NEK9: variants seen among roughly 807,000 people sequenced by gnomAD.
The protein encoded by NEK9 is serine/threonine-protein kinase Nek9.
Under a neutral mutation model 123.4 loss-of-function variants are expected in NEK9, and 75 were observed. The ratio of observed to expected loss-of-function variants is 0.61; its 90% confidence interval spans 0.50 to 0.74. The LOEUF (loss-of-function observed/expected upper bound fraction) is 0.74, where lower values mean the gene tolerates loss of function less well. Ranked by LOEUF, NEK9 falls within the 30% of genes least tolerant of loss-of-function variation. The pLI is 0.00. For synonymous variants in NEK9, 438 were observed against 458.7 expected (o/e 0.95, Z 0.58); for missense variants, 952 against 1,214.4 (o/e 0.78, Z 3.21).
rs554128986 is a variant in NEK9 at position 75,110,253 on chromosome 14, C to T, written c.989+68G>A. ...GTATCCTCGGATCAAATAATGCCTACACTCAAGAAAGAACCCCCTGGTTGT... is the reference window on the plus strand; with the variant it reads ...GTATCCTCGGATCAAATAATGCCTATACTCAAGAAAGAACCCCCTGGTTGT... On this transcript the variant is annotated intron_variant, in intron 9 of 21. Transcript: ENST00000238616. The T allele has an allele frequency of 4.1e-6, 5 of 1,205,708 alleles. No individual in the cohort carries two copies. In the East Asian group the frequency reaches 1.2e-4, roughly 28 times the overall value. 74.7% of individuals were successfully genotyped at this position (1,205,708 alleles called of 1,614,324 possible).
intron 10 of NEK9, among the ~76,000 whole-genome samples, chr14:75,108,227 C>T (rs143885813): frequency 2.6e-5 from 4 of 151,492 alleles, no homozygotes; most frequent in Non-Finnish European, 4.4e-5. Flanking sequence ...TGGGTTCAAG[C>T]GATTCTCCTG....
chr14:75,126,762 G>C lies in NEK9; in HGVS notation c.160C>G (p.Pro54Ala), dbSNP rs1394612655. The C allele has an allele frequency of 1.3e-6, 2 of 1,517,832 alleles. No individual in the cohort carries two copies. Among genetic ancestry groups the C allele is most frequent in the Admixed American group, 4.2e-5 (2 of 47,140 alleles). The allele number at this position is 1,517,832 out of a possible 1,614,324, so 94.0% of individuals were successfully genotyped here. A position where few individuals can be genotyped will look rare whatever the true frequency, so the allele number is the denominator to read the frequency against. The change falls in exon 1 of 22, where the codon CCC (proline) becomes GCC (alanine). Residue 54 changes from proline to alanine, a missense_variant. By Grantham distance (27) the Pro-to-Ala change is conservative. Around this residue, in one of 4 missense-constraint regions of NEK9, gnomAD observed 120 missense variants for 97.6 expected, o/e 1.23. Transcript: ENST00000238616. ...GCGCCGCGGCCCAGGACGCGGATGG[G>C]GATGTAGTGCAGTTCCTCCTGCTCC... ...AAEQEELHYI[P>A]IRVLGRGAFG...
intron 5 of NEK9, among the ~76,000 whole-genome samples, chr14:75,118,254 C>A (rs529519589): frequency 1.5e-4 from 23 of 152,034 alleles, no homozygotes; most frequent in Non-Finnish European, 2.5e-4. Context: ...CTTTTAAGGA[C>A]AGAGCATTGT....
At chr14:75,126,325 G>T (rs969591225) in intron 1 of NEK9, among the ~76,000 whole-genome samples, 3 of 151,906 alleles carry the variant, frequency 2.0e-5, no homozygotes, top group South Asian at 2.1e-4. Flanking sequence ...TGAGAGGAAG[G>T]AAGTTTTGGC....
intron 5 of NEK9, among the ~76,000 whole-genome samples, chr14:75,118,165 C>T (rs749235752): frequency 6.6e-6 from 1 of 151,972 alleles, no homozygotes; most frequent in Non-Finnish European, 1.5e-5. Context: ...GACTCCAAAC[C>T]CTAAACATCT....
At chr14:75,111,095 G>GA (rs1359369442) in intron 8 of NEK9, among the ~76,000 whole-genome samples, 2 of 152,090 alleles carry the variant, frequency 1.3e-5, no homozygotes, top group African/African-American at 4.8e-5. Context: ...CTCATCACGT[G>GA]AACTGCCCTC....
chr14:75,121,412 AT>A (rs2139807150), intron 2 of NEK9, among the ~76,000 whole-genome samples: 1 of 152,322 alleles, frequency 6.6e-6, no homozygotes, highest in African/African-American at 2.4e-5. Context: ...AAAAAAAGAC[AT>A]TTTTAGAAAA....
At chr14:75,109,990 G>A (rs748255700) in intron 9 of NEK9, 113 bp from the exon 10 acceptor site, 31 of 1,058,420 alleles carry the variant, frequency 2.9e-5, no homozygotes, top group African/African-American at 6.4e-5. Flanking sequence ...GAGAAAGTAT[G>A]TTCTTTCTCG....
At chr14:75,126,248 G>A (rs1018259464) in intron 1 of NEK9, among the ~76,000 whole-genome samples, 2 of 152,050 alleles carry the variant, frequency 1.3e-5, no homozygotes, top group South Asian at 2.1e-4. Context: ...GAGTTGCCAC[G>A]GGTGTGGGGA....
At chr14:75,106,098 G>C in intron 12 of NEK9, 102 bp from the exon 13 acceptor site, 1 of 1,028,392 alleles carries the variant, frequency 9.7e-7, no homozygotes, top group Non-Finnish European at 1.5e-6. Context: ...GCTCACACCT[G>C]TAATCCCAGC....
chr14:75,110,409 T>C (rs777458214), intron 8 of NEK9, 38 bp from the exon 9 acceptor site: 3 of 1,498,282 alleles, frequency 2.0e-6, no homozygotes, highest in East Asian at 4.5e-5. Flanking sequence ...AGTGAAATAA[T>C]AGGTTTTTAT....
chr14:75,085,185 G>C (rs924202842), intron 21 of NEK9: 1 of 154,696 alleles, frequency 6.5e-6, no homozygotes, highest in Non-Finnish European at 1.4e-5. Context: ...TTTTATTTTT[G>C]GTAGAGATGG....
chr14:75,114,777 T>C (rs998877060), intron 6 of NEK9, among the ~76,000 whole-genome samples: 2 of 152,180 alleles, frequency 1.3e-5, no homozygotes, highest in Non-Finnish European at 2.9e-5. Flanking sequence ...ACCACATTAT[T>C]GAGAGACTAC....
At position 75,119,523 on chromosome 14, in the gene NEK9, T is replaced by G. The variant is rs570160622; in HGVS notation, c.525-588A>C. 9.2e-5 allele frequency among the ~76,000 whole-genome samples: 14 copies of G among 152,306 alleles called. No individual in the cohort carries two copies. In the East Asian group the frequency reaches 1.2e-3, roughly 13 times the overall value. On this transcript the variant is annotated intron_variant, in intron 4 of 21. Coordinates refer to ENST00000238616, the MANE Select transcript of NEK9 (RefSeq NM_033116.6). ...ATACTACTGAAGCTATTAGGAAAAG[T>G]TGAGACGGTCAGATGAGGAAAATGG...
At chr14:75,110,972 G>A (rs1229557947) in intron 8 of NEK9, among the ~76,000 whole-genome samples, 1 of 152,012 alleles carries the variant, frequency 6.6e-6, no homozygotes, top group Non-Finnish European at 1.5e-5. Flanking sequence ...CTTCCCACCT[G>A]TACTGTGATA....
chr14:75,090,744 T>A (rs888641223), intron 19 of NEK9, among the ~76,000 whole-genome samples: 6 of 152,100 alleles, frequency 3.9e-5, no homozygotes, highest in South Asian at 2.1e-4. Flanking sequence ...GCTAATTTTT[T>A]AAATTTTTGG....
At chr14:75,097,027 T>C (rs1894408575) in intron 17 of NEK9, 73 bp downstream of exon 17, 1 of 1,395,966 alleles carries the variant, frequency 7.2e-7, no homozygotes, top group Non-Finnish European at 9.7e-7. Context: ...TCCAACAATG[T>C]GACTAACAGT....
Position 75,101,119 on chromosome 14 carries a change from C to T in NEK9, c.1875G>A (p.Lys625=), listed in dbSNP as rs973468824. The change falls in exon 16 of 22, where the codon AAG becomes AAA. Residue 625 remains lysine (K), a synonymous_variant. Coordinates refer to ENST00000238616, the MANE Select transcript of NEK9 (RefSeq NM_033116.6). ...RGRLLTFGCN[K]CGQLGVGNYK... ...AGTTCCCAACGCCCAGCTGCCCACA[C>T]TTGTTGCAGCCAAAGGTCAGCAGCC... The T allele has an allele frequency of 6.2e-7, 1 of 1,614,124 alleles. No homozygotes were observed. The highest frequency in any genetic ancestry group is 2.2e-5 in the East Asian group (1 of 44,908).
Position 75,081,044 on chromosome 14 carries a change from C to CGCCA in NEK9, c.*3516_*3519dup, listed in dbSNP as rs1893857194. ...CTGCAAACTCCGCCTCCTGGGTTCA[C>CGCCA]GCCATTCTCCTGCCTCAGCCTCCAG... is the stretch of plus-strand genomic sequence containing the variant. On this transcript the variant is annotated 3_prime_UTR_variant, in exon 22 of 22. Coordinates refer to ENST00000238616, the MANE Select transcript of NEK9 (RefSeq NM_033116.6). The surrounding 1 kb of genome is among the most constrained non-coding windows in gnomAD (Gnocchi z 4.2). The CGCCA allele has an allele frequency of 6.6e-6, 1 of 151,858 alleles. No homozygotes were observed. The highest frequency in any genetic ancestry group is 1.5e-5 in the Non-Finnish European group (1 of 68,018). 9.4% of individuals were successfully genotyped at this position (151,858 alleles called of 1,614,324 possible). A position where few individuals can be genotyped will look rare whatever the true frequency, so the allele number is the denominator to read the frequency against.
Sources: allele counts gnomAD v4.1 joint callset (sites outside exome capture counted in the v4.1 genomes callset), GRCh38; gene constraint gnomAD v4.1.1; regional missense constraint gnomAD v4.1.1; non-coding constraint Gnocchi (gnomAD v3.1); transcripts MANE v1.5; gene names NCBI Gene and HGNC (gene_info 2026-07-23, HGNC 2026-07-21).